Variants in PSG3 observed in about 807,000 individuals in gnomAD.
PSG3 encodes pregnancy-specific beta-1-glycoprotein 3.
Under a neutral mutation model 47.5 loss-of-function variants are expected in PSG3, and 61 were observed. That is an observed-to-expected ratio of 1.28 (90% CI 1.05 to 1.59). PSG3 has a LOEUF of 1.59. Among genes scored for constraint, PSG3 ranks in the 40% most tolerant of loss-of-function variants. The pLI is 0.00. For missense variants in PSG3, 756 were observed against 524.0 expected (o/e 1.44, Z -4.32); for synonymous variants, 263 against 198.4 (o/e 1.33, Z -2.74).
intron 2 of PSG3, among the ~76,000 whole-genome samples, chr19:42,734,834 C>T (rs930369822): frequency 6.6e-6 from 1 of 152,176 alleles, no homozygotes; most frequent in African/African-American, 2.4e-5. Flanking sequence ...GAACCTGCTT[C>T]TAATTTCTGT....
chr19:42,739,417 C>G (rs1343787420), intron 1 of PSG3: 1 of 290,194 alleles, frequency 3.4e-6, no homozygotes, highest in African/African-American at 2.1e-5. Flanking sequence ...CATCCTTAGA[C>G]TTCTTTCCTG....
At chr19:42,729,498 C>G (rs1161694691) in intron 4 of PSG3, 121 bp from the exon 5 acceptor site, 2 of 1,498,300 alleles carry the variant, frequency 1.3e-6, no homozygotes, top group East Asian at 4.5e-5. Flanking sequence ...CAGCCAAACC[C>G]CCTCTATGTT....
chr19:42,726,226 G>A lies in PSG3; in HGVS notation c.1244-2201C>T, dbSNP rs150776802. On this transcript the variant is annotated intron_variant, in intron 5 of 6. Coordinates refer to ENST00000327495, the MANE Select transcript of PSG3 (RefSeq NM_021016.4). ...AAGACTGAAAGCTTTCCCTGTATGA[G>A]CAGGAACAAGACAAGGGTGCCTGCT... Among the ~76,000 whole-genome samples the A allele has an allele frequency of 1.9e-3, 288 of 152,228 alleles. 2 individuals carry two copies. The highest frequency in any genetic ancestry group is 6.7e-3 in the African/African-American group (279 of 41,550).
At position 42,729,266 on chromosome 19, in the gene PSG3, G is replaced by A; in HGVS notation, c.1100C>T (p.Thr367Ile). 2.5e-6 allele frequency: 4 copies of A among 1,614,088 alleles called. No homozygotes were observed. The highest frequency in any genetic ancestry group is 3.4e-6 in the Non-Finnish European group (4 of 1,179,948). ...TGATAGCTGAAACTTCCCATTAATTGTCCAAGAATATTCTGCTGGTGGGTT... is the reference window on the plus strand; with the variant it reads ...TGATAGCTGAAACTTCCCATTAATTATCCAAGAATATTCTGCTGGTGGGTT... ...DSNPPAEYSWTINGKFQLSGQ... is the reference protein window; with the variant it reads ...DSNPPAEYSWIINGKFQLSGQ... The change falls in exon 5 of 7, where the codon ACA (threonine) becomes ATA (isoleucine). Residue 367 changes from threonine (T) to isoleucine (I), a missense_variant. Thr to Ile is a moderately conservative substitution (Grantham distance 89). Coordinates refer to ENST00000327495, the MANE Select transcript of PSG3 (RefSeq NM_021016.4).
At chr19:42,732,485 C>T (rs1027033083) in intron 3 of PSG3, 8 of 629,842 alleles carry the variant, frequency 1.3e-5, no homozygotes, top group Non-Finnish European at 1.8e-5. Flanking sequence ...AGTTGCAACA[C>T]TGAAGTCCCA....
At chr19:42,731,499 T>C (rs1415381698) in intron 3 of PSG3, among the ~76,000 whole-genome samples, 1 of 152,232 alleles carries the variant, frequency 6.6e-6, no homozygotes, top group Admixed American at 6.5e-5. Context: ...TGTATATTTT[T>C]GAAGGCCTTG....
At chr19:42,733,951 G>A (rs1304573625) in intron 2 of PSG3, 2 of 152,188 alleles carry the variant, frequency 1.3e-5, no homozygotes, top group Non-Finnish European at 2.9e-5. Context: ...TATGTGTTTG[G>A]TGGATATTAG....
chr19:42,738,445 G>C (rs1030280438), intron 2 of PSG3, among the ~76,000 whole-genome samples: 23 of 152,218 alleles, frequency 1.5e-4, no homozygotes, highest in Non-Finnish European at 3.2e-4. Context: ...TTTATGAAGA[G>C]AGCATGAGGT....
At chr19:42,735,399 C>T (rs1021270017) in intron 2 of PSG3, among the ~76,000 whole-genome samples, 2 of 151,960 alleles carry the variant, frequency 1.3e-5, no homozygotes, top group South Asian at 2.1e-4. Context: ...CAGAGTCTCG[C>T]TCTGTCACCT....
At chr19:42,739,246 T>C in intron 1 of PSG3, 157 bp from the exon 2 acceptor site, 1 of 1,270,292 alleles carries the variant, frequency 7.9e-7, no homozygotes, top group East Asian at 2.3e-5. Context: ...GGGGCATGTG[T>C]ATATGTGTTT....
At chr19:42,730,747 G>A (rs905028105) in intron 3 of PSG3, among the ~76,000 whole-genome samples, 9 of 152,228 alleles carry the variant, frequency 5.9e-5, no homozygotes, top group African/African-American at 1.4e-4. Context: ...GAAGGTGACA[G>A]GCAAGAGCTG....
At chr19:42,726,959 A>G (rs376174711) in intron 5 of PSG3, among the ~76,000 whole-genome samples, 3 of 152,350 alleles carry the variant, frequency 2.0e-5, no homozygotes, top group African/African-American at 4.8e-5. Flanking sequence ...AAATATAATA[A>G]CCCAGAAAGA....
At chr19:42,733,133 G>C (rs1367516579) in intron 2 of PSG3, 71 bp from the exon 3 acceptor site, 2 of 1,559,402 alleles carry the variant, frequency 1.3e-6, no homozygotes, top group Non-Finnish European at 1.7e-6. Flanking sequence ...TTTTCAATCA[G>C]AGTTGGCATT....
chr19:42,728,852 C>G (rs1282314074), intron 5 of PSG3, among the ~76,000 whole-genome samples: 2 of 152,312 alleles, frequency 1.3e-5, no homozygotes, highest in Admixed American at 6.5e-5. Flanking sequence ...TTGTCCCTCT[C>G]TGAATCCTCT....
intron 1 of PSG3, 128 bp from the exon 2 acceptor site, chr19:42,739,217 C>G (rs1470372926): frequency 1.9e-6 from 2 of 1,044,616 alleles, no homozygotes; most frequent in African/African-American, 3.3e-5. Flanking sequence ...CACATACAAA[C>G]ACACACACAC....
chr19:42,724,104 C>G (rs1349168598), intron 5 of PSG3, 79 bp from the exon 6 acceptor site: 30 of 1,503,172 alleles, frequency 2.0e-5, no homozygotes, highest in Admixed American at 1.4e-4. Context: ...AAGCATGTAA[C>G]ATGAGGTACT....
chr19:42,726,327 A>C (rs1195793534), intron 5 of PSG3, among the ~76,000 whole-genome samples: 1 of 152,238 alleles, frequency 6.6e-6, no homozygotes, highest in Non-Finnish European at 1.5e-5. Context: ...AAAGACGTTA[A>C]AATTGGAAGG....
At position 42,739,078 on chromosome 19, in the gene PSG3, T is replaced by G. The variant is rs765500933; in HGVS notation, c.76A>C (p.Asn26His). 2.5e-6 allele frequency: 4 copies of G among 1,603,096 alleles called. No individual in the cohort carries two copies. Among genetic ancestry groups the G allele is most frequent in the South Asian group, 2.2e-5 (2 of 90,596 alleles). The change falls in exon 2 of 7, where the codon AAC becomes CAC. Residue 26 changes from asparagine (N) to histidine (H), a missense_variant. Transcript: ENST00000327495. Reference sequence around the variant, plus strand: ...GCAGTGGTAGGCAAGTTCCAGAAGTTTAAAAGTAATGCTAGGAGGTGGAGA... The same window carrying G: ...GCAGTGGTAGGCAAGTTCCAGAAGTGTAAAAGTAATGCTAGGAGGTGGAGA... ...KGLLLTALLL[N>H]FWNLPTTAQV...
chr19:42,732,503 C>T lies in PSG3; in HGVS notation c.709+281G>A, dbSNP rs1969488532. ...TGCAACACTGAAGTCCCAGCCAAAT[C>T]CCTGCTGTGTTCACTGATCTGGAGC... is the stretch of plus-strand genomic sequence containing the variant. On this transcript the variant is annotated intron_variant, in intron 3 of 6. Coordinates refer to ENST00000327495, the MANE Select transcript of PSG3 (RefSeq NM_021016.4). 3 of 718,666 alleles carry T rather than the reference C, an allele frequency of 4.2e-6. No individual in the cohort carries two copies. In the Admixed American group the frequency reaches 9.1e-5, roughly 22 times the overall value. 44.5% of individuals were successfully genotyped at this position (718,666 alleles called of 1,614,324 possible).
Sources: gnomAD v4.1 joint callset for allele counts (sites outside exome capture counted in the v4.1 genomes callset) on GRCh38, gnomAD v4.1.1 for gene constraint, MANE v1.5 for transcripts, NCBI Gene and HGNC (gene_info 2026-07-23, HGNC 2026-07-21) for gene names.